NEUROD6: variants seen among roughly 807,000 people sequenced by gnomAD.
The protein encoded by NEUROD6 is neuronal differentiation 6.
A neutral mutation model predicts 24.1 loss-of-function variants in NEUROD6; 5 were observed. That is an observed-to-expected ratio of 0.21 (90% CI 0.11 to 0.44). The LOEUF (loss-of-function observed/expected upper bound fraction) is 0.44, where lower values mean the gene tolerates loss of function less well. NEUROD6 is among the 20% of genes least tolerant of loss of function. The pLI, the probability that NEUROD6 is intolerant of heterozygous loss-of-function variation, is 0.99. For synonymous variants in NEUROD6, 182 were observed against 154.1 expected (o/e 1.18, Z -1.34); for missense variants, 325 against 409.5 (o/e 0.79, Z 1.78).
In NEUROD6 at chr7:31,340,019, T is replaced by A. The variant is rs990971059; in HGVS notation, c.-22+574A>T. 3.3e-3 allele frequency among the ~76,000 whole-genome samples: 505 copies of A among 152,024 alleles called. 3 individuals are homozygous for A. The highest frequency in any genetic ancestry group is 0.011 in the African/African-American group (474 of 41,482). ...AAAATCACTAGCAATTTCTTTTAAT[T>A]AAAAAAAATAGAGACTGATTTTATT... On this transcript the variant is annotated intron_variant, in intron 1 of 1. Coordinates refer to ENST00000297142, the MANE Select transcript of NEUROD6 (RefSeq NM_022728.4).
chr7:31,339,168 G>A lies in NEUROD6; in HGVS notation c.101C>T (p.Pro34Leu). Residue 34 changes from proline to leucine, a missense_variant, in exon 2 of 2, where the codon CCA becomes CTA. This residue lies in a region of NEUROD6 where 109 missense variants were observed against 107.3 expected (regional missense o/e 1.02). Transcript: ENST00000297142. ...ECEDQKQIKK[P>L]ESFSKQIVLR... ...GACAATCTGTTTGGAAAAGCTTTCT[G>A]GCTTCTTAATTTGCTTCTGGTCCTC... 6.2e-7 allele frequency: 1 copy of A among 1,613,856 alleles called. No individual in the cohort carries two copies. Among genetic ancestry groups the A allele is most frequent in the East Asian group, 2.2e-5 (1 of 44,860 alleles).
Position 31,338,995 on chromosome 7 carries a change from C to T in NEUROD6, c.274G>A (p.Val92Ile), listed in dbSNP as rs1783096747. The change falls in exon 2 of 2, where the codon GTC becomes ATC. Residue 92 changes from valine (V) to isoleucine (I), a missense_variant. Transcript: ENST00000297142. This position sits in a 1 kb window ranked among gnomAD's most constrained non-coding sequence, Gnocchi z 5.1. ...KKTTKLRLER[V>I]KFRRQEANAR... ...TTCGCTTCCTGTCTCCTGAACTTGA[C>T]CCTTTCCAATCGCAGCTTTGTTGTC... 2.5e-6 allele frequency: 4 copies of T among 1,613,950 alleles called. No individual in the cohort carries two copies. In the South Asian group the frequency reaches 3.3e-5, roughly 13 times the overall value.
rs563145424 is a variant in NEUROD6 at position 31,338,131 on chromosome 7, A to T, written c.*124T>A. Reference sequence around the variant, plus strand: ...ATAGAAAATTCTCACAATAGTTGAAACACACTTCAGAAACTAGTAAACACC... The same window carrying T: ...ATAGAAAATTCTCACAATAGTTGAATCACACTTCAGAAACTAGTAAACACC... On this transcript the variant is annotated 3_prime_UTR_variant, in exon 2 of 2. Transcript: ENST00000297142. The surrounding 1 kb of genome is among the most constrained non-coding windows in gnomAD (Gnocchi z 5.1). 1.4e-6 allele frequency: 1 copy of T among 716,052 alleles called. No individual in the cohort carries two copies. Among genetic ancestry groups the T allele is most frequent in the African/African-American group, 1.8e-5 (1 of 56,218 alleles). The allele number at this position is 716,052 out of a possible 1,614,324, so 44.4% of individuals were successfully genotyped here. A position where few individuals can be genotyped will look rare whatever the true frequency, so the allele number is the denominator to read the frequency against.
rs1176887557 is a variant in NEUROD6, at chr7:31,337,470, G to T, written c.*785C>A. The T allele has an allele frequency of 6.6e-6, 1 of 152,578 alleles. No homozygotes were observed. The highest frequency in any genetic ancestry group is 1.5e-5 in the Non-Finnish European group (1 of 68,028). 9.5% of individuals were successfully genotyped at this position (152,578 alleles called of 1,614,324 possible). A position where few individuals can be genotyped will look rare whatever the true frequency, so the allele number is the denominator to read the frequency against. On this transcript the variant is annotated 3_prime_UTR_variant, in exon 2 of 2. Coordinates refer to ENST00000297142, the MANE Select transcript of NEUROD6 (RefSeq NM_022728.4). ...ATCACAGCTAGTAGATGTCCTTTAC[G>T]AGTGGAAATATCTATATTTAATTGC...
In NEUROD6 at chr7:31,338,188, C is replaced by T; in HGVS notation, c.*67G>A. 1 of 1,350,420 alleles carries T rather than the reference C, an allele frequency of 7.4e-7. No homozygotes were observed. The highest frequency in any genetic ancestry group is 1.0e-6 in the Non-Finnish European group (1 of 968,200). The allele number at this position is 1,350,420 out of a possible 1,614,324, so 83.7% of individuals were successfully genotyped here. Reference sequence around the variant, plus strand: ...AGAGTTGTGCCAATTACTCAGCCCACAAGCATCTGCTTTGTCTTAATTAGA... The same window carrying T: ...AGAGTTGTGCCAATTACTCAGCCCATAAGCATCTGCTTTGTCTTAATTAGA... On this transcript the variant is annotated 3_prime_UTR_variant, in exon 2 of 2. Transcript: ENST00000297142. The surrounding 1 kb of genome is among the most constrained non-coding windows in gnomAD (Gnocchi z 5.1).
chr7:31,338,771 G>A lies in NEUROD6; in HGVS notation c.498C>T (p.Cys166=). The A allele has an allele frequency of 6.2e-7, 1 of 1,614,120 alleles. No homozygotes were observed. The highest frequency in any genetic ancestry group is 1.3e-5 in the African/African-American group (1 of 75,020). Residue 166 remains cysteine, a synonymous_variant, in exon 2 of 2, where the codon TGC becomes TGT. Transcript: ENST00000297142. This position sits in a 1 kb window ranked among gnomAD's most constrained non-coding sequence, Gnocchi z 5.1. The part of the protein sequence containing the change: ...PDLLTFVQNL[C]KGLSQPTTNL... The stretch of plus-strand genomic sequence containing the variant: ...TTGTAGTTGGCTGGGAAAGACCTTT[G>A]CATAAGTTTTGGACGAATGTGAGCA...
At position 31,339,020 on chromosome 7, in the gene NEUROD6, C is replaced by T. The variant is rs763278369; in HGVS notation, c.249G>A (p.Lys83=). The change falls in exon 2 of 2, where the codon AAG becomes AAA. Residue 83 remains lysine (K), a synonymous_variant. Transcript: ENST00000297142. Reference sequence around the variant, plus strand: ...CCCTTTCCAATCGCAGCTTTGTTGTCTTTTTTTTCCTAAGACCCCTCCTTC... The same window carrying T: ...CCCTTTCCAATCGCAGCTTTGTTGTTTTTTTTTTCCTAAGACCCCTCCTTC... ...LPRRRGLRKK[K]TTKLRLERVK... is the part of the protein sequence containing the mutation. The T allele has an allele frequency of 1.2e-6, 2 of 1,613,846 alleles. No homozygotes were observed. The highest frequency in any genetic ancestry group is 1.7e-6 in the Non-Finnish European group (2 of 1,179,956).
chr7:31,338,765 A>C lies in NEUROD6; in HGVS notation c.504T>G (p.Gly168=). The part of the protein sequence containing the change: ...LLTFVQNLCK[G]LSQPTTNLVA... ...CCAAGTTTGTAGTTGGCTGGGAAAG[A>C]CCTTTGCATAAGTTTTGGACGAATG... is the stretch of plus-strand genomic sequence containing the variant. The change falls in exon 2 of 2, where the codon GGT becomes GGG. Residue 168 remains glycine, a synonymous_variant. Transcript: ENST00000297142. This position sits in a 1 kb window ranked among gnomAD's most constrained non-coding sequence, Gnocchi z 5.1. The C allele has an allele frequency of 6.2e-7, 1 of 1,614,024 alleles. No homozygotes were observed. The highest frequency in any genetic ancestry group is 8.5e-7 in the Non-Finnish European group (1 of 1,179,996).
chr7:31,338,794 G>A lies in NEUROD6; in HGVS notation c.475C>T (p.Leu159Phe). 1.9e-6 allele frequency: 3 copies of A among 1,614,168 alleles called. No homozygotes were observed. The highest frequency in any genetic ancestry group is 1.7e-6 in the Non-Finnish European group (2 of 1,180,034). ...ILRIGKRPDL[L>F]TFVQNLCKGL... ...TTGCATAAGTTTTGGACGAATGTGA[G>A]CAGATCTGGTCTCTTGCCGATTCTC... Residue 159 changes from leucine to phenylalanine, a missense_variant, in exon 2 of 2, where the codon CTC (leucine) becomes TTC (phenylalanine). By Grantham distance (22) the Leu-to-Phe change is conservative. This residue lies in a region of NEUROD6 where 41 missense variants were observed against 100.9 expected (regional missense o/e 0.41). Coordinates refer to ENST00000297142, the MANE Select transcript of NEUROD6 (RefSeq NM_022728.4). This position sits in a 1 kb window ranked among gnomAD's most constrained non-coding sequence, Gnocchi z 5.1.
Position 31,338,864 on chromosome 7 carries a change from A to G in NEUROD6, c.405T>C (p.Thr135=), listed in dbSNP as rs1270406777. 13 of 1,614,030 alleles carry G rather than the reference A, an allele frequency of 8.1e-6. No individual in the cohort carries two copies. Among genetic ancestry groups the G allele is most frequent in the African/African-American group, 1.3e-5 (1 of 74,894 alleles). ...SKTQKLSKIE[T]LRLAKNYIWA... ...AGATGTAGTTTTTGGCCAGTCGTAA[A>G]GTCTCTATTTTGGACAGTTTCTGGG... is the stretch of plus-strand genomic sequence containing the variant. The change falls in exon 2 of 2, where the codon ACT becomes ACC. Residue 135 remains threonine (T), a synonymous_variant. Transcript: ENST00000297142. This position sits in a 1 kb window ranked among gnomAD's most constrained non-coding sequence, Gnocchi z 5.1.
In NEUROD6 at chr7:31,337,771, T is replaced by A. The variant is rs1783081890; in HGVS notation, c.*484A>T. 6.5e-6 allele frequency: 1 copy of A among 153,086 alleles called. No homozygotes were observed. The highest frequency in any genetic ancestry group is 6.5e-5 in the Admixed American group (1 of 15,350). The allele number at this position is 153,086 out of a possible 1,614,324, so 9.5% of individuals were successfully genotyped here. A position where few individuals can be genotyped will look rare whatever the true frequency, so the allele number is the denominator to read the frequency against. On this transcript the variant is annotated 3_prime_UTR_variant, in exon 2 of 2. Coordinates refer to ENST00000297142, the MANE Select transcript of NEUROD6 (RefSeq NM_022728.4). The stretch of plus-strand genomic sequence containing the variant: ...GTTGCAAATTCATCTCCCAATATCA[T>A]TGTCAGCTTAGTGATATTCTCCATA...
At chr7:31,340,544 C>T (rs562815277) in intron 1 of NEUROD6, 49 bp downstream of exon 1, 1 of 152,348 alleles carries the variant, frequency 6.6e-6, no homozygotes, top group South Asian at 2.1e-4. Context: ...TCTTTAAATA[C>T]TTGCATGCAA....
Position 31,338,197 on chromosome 7 carries a change from G to T in NEUROD6, c.*58C>A, listed in dbSNP as rs1033588380. On this transcript the variant is annotated 3_prime_UTR_variant, in exon 2 of 2. Coordinates refer to ENST00000297142, the MANE Select transcript of NEUROD6 (RefSeq NM_022728.4). The surrounding 1 kb of genome is among the most constrained non-coding windows in gnomAD (Gnocchi z 5.1). Reference sequence around the variant, plus strand: ...CCAATTACTCAGCCCACAAGCATCTGCTTTGTCTTAATTAGACAGGGGAGG... The same window carrying T: ...CCAATTACTCAGCCCACAAGCATCTTCTTTGTCTTAATTAGACAGGGGAGG... 7.0e-7 allele frequency: 1 copy of T among 1,423,572 alleles called. No individual in the cohort carries two copies. The highest frequency in any genetic ancestry group is 9.8e-7 in the Non-Finnish European group (1 of 1,025,158). The allele number at this position is 1,423,572 out of a possible 1,614,324, so 88.2% of individuals were successfully genotyped here.
In NEUROD6 at chr7:31,340,620, A is replaced by T. The variant is rs963058376; in HGVS notation, c.-49T>A. On this transcript the variant is annotated 5_prime_UTR_variant, in exon 1 of 2. Transcript: ENST00000297142. ...TAGGTTTTAATTTCATTCAATAATC[A>T]GTTTTCATTTTGGGTCTTCCAAATC... The T allele has an allele frequency of 3.7e-4, 56 of 152,624 alleles. No individual in the cohort carries two copies. Among genetic ancestry groups the T allele is most frequent in the African/African-American group, 1.3e-3 (56 of 41,558 alleles). 9.5% of individuals were successfully genotyped at this position (152,624 alleles called of 1,614,324 possible). A position where few individuals can be genotyped will look rare whatever the true frequency, so the allele number is the denominator to read the frequency against.
In NEUROD6 at chr7:31,338,157, TTAGA is replaced by T. The variant is rs1783086972; in HGVS notation, c.*94_*97del. 5.5e-6 allele frequency: 5 copies of T among 916,594 alleles called. No individual in the cohort carries two copies. The highest frequency in any genetic ancestry group is 5.2e-5 in the East Asian group (2 of 38,156). The allele number at this position is 916,594 out of a possible 1,614,324, so 56.8% of individuals were successfully genotyped here. On this transcript the variant is annotated 3_prime_UTR_variant, in exon 2 of 2. Transcript: ENST00000297142. This position sits in a 1 kb window ranked among gnomAD's most constrained non-coding sequence, Gnocchi z 5.1. Reference sequence around the variant, plus strand: ...CACACTTCAGAAACTAGTAAACACCTTAGATAGAGTTGTGCCAATTACTCAGCCC... The same window carrying T: ...CACACTTCAGAAACTAGTAAACACCTTAGAGTTGTGCCAATTACTCAGCCC...
rs992089386 is a variant in NEUROD6 at position 31,338,205 on chromosome 7, T to G, written c.*50A>C. ...TCAGCCCACAAGCATCTGCTTTGTC[T>G]TAATTAGACAGGGGAGGTGAATGAC... On this transcript the variant is annotated 3_prime_UTR_variant, in exon 2 of 2. Transcript: ENST00000297142. The surrounding 1 kb of genome is among the most constrained non-coding windows in gnomAD (Gnocchi z 5.1). The G allele has an allele frequency of 4.7e-6, 7 of 1,498,780 alleles. No individual in the cohort carries two copies. The highest frequency in any genetic ancestry group is 6.4e-6 in the Non-Finnish European group (7 of 1,087,632). The allele number at this position is 1,498,780 out of a possible 1,614,324, so 92.8% of individuals were successfully genotyped here.
rs1410838743 is a variant in NEUROD6, at chr7:31,338,539, A to G, written c.730T>C (p.Tyr244His). Residue 244 changes from tyrosine (Y) to histidine (H), a missense_variant, in exon 2 of 2, where the codon TAT becomes CAT. Coordinates refer to ENST00000297142, the MANE Select transcript of NEUROD6 (RefSeq NM_022728.4). The surrounding 1 kb of genome is among the most constrained non-coding windows in gnomAD (Gnocchi z 5.1). The stretch of plus-strand genomic sequence containing the variant: ...GCACACTCAGGGGAAGTACTTTCAT[A>G]GAAGGATTCATACGCACTGCAATAA... ...YNYCSAYESFYESTSPECASP... is the reference protein window; with the variant it reads ...YNYCSAYESFHESTSPECASP... 2.5e-6 allele frequency: 4 copies of G among 1,614,202 alleles called. No homozygotes were observed. Among genetic ancestry groups the G allele is most frequent in the East Asian group, 4.5e-5 (2 of 44,884 alleles).
rs1783091631 is a variant in NEUROD6, at chr7:31,338,505, T to C, written c.764A>G (p.Gln255Arg). 1 of 1,613,992 alleles carries C rather than the reference T, an allele frequency of 6.2e-7. No individual in the cohort carries two copies. Among genetic ancestry groups the C allele is most frequent in the Non-Finnish European group, 8.5e-7 (1 of 1,179,992 alleles). ...GGGAGGACTTAAGGGACCTTCAAACTGAGGGCTGGCACACTCAGGGGAAGT... is the reference window on the plus strand; with the variant it reads ...GGGAGGACTTAAGGGACCTTCAAACCGAGGGCTGGCACACTCAGGGGAAGT... Reference protein sequence around the residue: ...ESTSPECASPQFEGPLSPPPI... With the variant: ...ESTSPECASPRFEGPLSPPPI... Residue 255 changes from glutamine to arginine, a missense_variant, in exon 2 of 2, where the codon CAG becomes CGG. Around this residue, in one of 3 missense-constraint regions of NEUROD6, gnomAD observed 175 missense variants for 201.3 expected, o/e 0.87. Coordinates refer to ENST00000297142, the MANE Select transcript of NEUROD6 (RefSeq NM_022728.4). This position sits in a 1 kb window ranked among gnomAD's most constrained non-coding sequence, Gnocchi z 5.1.
intron 1 of NEUROD6, among the ~76,000 whole-genome samples, chr7:31,340,248 T>C (rs75814639): frequency 0.012 from 1,861 of 152,324 alleles, 18 homozygotes; most frequent in Non-Finnish European, 0.018. Context: ...ATAATTTGTG[T>C]TTCAAATGCA....
Sources: gnomAD v4.1 joint callset for allele counts (sites outside exome capture counted in the v4.1 genomes callset) on GRCh38, gnomAD v4.1.1 for gene constraint, gnomAD v4.1.1 regional missense constraint, Gnocchi (gnomAD v3.1) non-coding constraint, MANE v1.5 for transcripts, NCBI Gene and HGNC (gene_info 2026-07-23, HGNC 2026-07-21) for gene names.